Variants in XKR4 observed in about 807,000 individuals in gnomAD.
XKR4 encodes the protein XK related 4, also known as XK-related protein 4.
Under a neutral mutation model 53.9 loss-of-function variants are expected in XKR4, and 12 were observed. The observed-to-expected ratio is 0.22, with a 90% CI of 0.14 to 0.36. The LOEUF (loss-of-function observed/expected upper bound fraction) is 0.36. Ranked by LOEUF, XKR4 falls within the 10% of genes least tolerant of loss-of-function variation. The pLI, the probability that XKR4 is intolerant of heterozygous loss-of-function variation, is 1.00. For missense variants in XKR4, 799 were observed against 859.5 expected, an observed-to-expected ratio of 0.93 and a Z score of 0.88; for synonymous variants, 354 against 362.4, an observed-to-expected ratio of 0.98 and a Z score of 0.26.
chr8:55,462,624 A>C (rs1332069944), intron 2 of XKR4, among the ~76,000 whole-genome samples: 2 of 152,156 alleles, frequency 1.3e-5, no homozygotes, highest in African/African-American at 4.8e-5. Context: ...ACACATAACA[A>C]TACTAACCTT....
intron 1 of XKR4, among the ~76,000 whole-genome samples, chr8:55,327,102 G>T (rs904791063): frequency 6.6e-5 from 10 of 152,138 alleles, no homozygotes; most frequent in African/African-American, 1.2e-4. Context: ...CATTCCAAAT[G>T]CTTTTGTCTA....
chr8:55,407,988 G>A (rs1434334232), intron 2 of XKR4, among the ~76,000 whole-genome samples: 1 of 152,166 alleles, frequency 6.6e-6, no homozygotes, highest in Non-Finnish European at 1.5e-5. Context: ...CTAACCTGAA[G>A]ATGTGATCCT....
chr8:55,457,872 A>G (rs1468933143), intron 2 of XKR4, among the ~76,000 whole-genome samples: 2 of 152,230 alleles, frequency 1.3e-5, no homozygotes, highest in African/African-American at 2.4e-5. Context: ...AAAAAAGAGG[A>G]AAGAAATGGA....
intron 1 of XKR4, among the ~76,000 whole-genome samples, chr8:55,210,145 C>T (rs563507019): frequency 2.1e-4 from 31 of 150,136 alleles, no homozygotes; most frequent in African/African-American, 5.2e-4. Context: ...AGTGCAGTGG[C>T]GTGATCTTGG....
intron 2 of XKR4, among the ~76,000 whole-genome samples, chr8:55,375,620 T>A (rs1232077339): frequency 6.6e-6 from 1 of 152,228 alleles, no homozygotes; most frequent in Non-Finnish European, 1.5e-5. Flanking sequence ...GACTTTGCTC[T>A]GTCCACTCAC....
intron 1 of XKR4, among the ~76,000 whole-genome samples, chr8:55,176,643 G>A (rs1366184917): frequency 2.6e-5 from 4 of 152,170 alleles, no homozygotes; most frequent in Admixed American, 2.6e-4. Flanking sequence ...AATGTGGACA[G>A]GGTTCTGACT....
intron 2 of XKR4, among the ~76,000 whole-genome samples, chr8:55,418,289 C>A (rs553266427): frequency 1.3e-5 from 2 of 152,328 alleles, no homozygotes; most frequent in African/African-American, 2.4e-5. Context: ...GCAGCAACAG[C>A]ATTTCAAGCC....
chr8:55,165,337 T>A (rs1417522135), intron 1 of XKR4, among the ~76,000 whole-genome samples: 1 of 152,096 alleles, frequency 6.6e-6, no homozygotes, highest in Non-Finnish European at 1.5e-5. Context: ...ATACATATTA[T>A]GCACCATTAG....
intron 1 of XKR4, among the ~76,000 whole-genome samples, chr8:55,267,848 A>G (rs906863728): frequency 6.6e-6 from 1 of 152,222 alleles, no homozygotes; most frequent in South Asian, 2.1e-4. Context: ...TTTCTTAGAC[A>G]GTAGAAGTGC....
At chr8:55,406,216 G>A (rs1443081579) in intron 2 of XKR4, among the ~76,000 whole-genome samples, 2 of 152,154 alleles carry the variant, frequency 1.3e-5, no homozygotes, top group African/African-American at 2.4e-5. Flanking sequence ...TTTAACTTTG[G>A]TTGATCTATA....
intron 2 of XKR4, among the ~76,000 whole-genome samples, chr8:55,397,801 G>C (rs911139500): frequency 1.3e-5 from 2 of 152,026 alleles, no homozygotes; most frequent in African/African-American, 4.8e-5. Context: ...TCGGTGTCTT[G>C]GTCCAGTTTC....
At chr8:55,278,697 A>G (rs1350834110) in intron 1 of XKR4, among the ~76,000 whole-genome samples, 1 of 152,196 alleles carries the variant, frequency 6.6e-6, no homozygotes, top group African/African-American at 2.4e-5. Flanking sequence ...AAATATTTTA[A>G]TTTCATTATA....
intron 2 of XKR4, among the ~76,000 whole-genome samples, chr8:55,457,723 C>T (rs1015836610): frequency 5.3e-5 from 8 of 152,146 alleles, no homozygotes; most frequent in Non-Finnish European, 8.8e-5. Flanking sequence ...GAAAGACCCC[C>T]TTTTCCACTT....
intron 2 of XKR4, among the ~76,000 whole-genome samples, chr8:55,364,474 T>G (rs1189278570): frequency 6.6e-6 from 1 of 152,234 alleles, no homozygotes; most frequent in Non-Finnish European, 1.5e-5. Flanking sequence ...TGAATATTCA[T>G]GCCAAGCAGG....
At chr8:55,289,765 AAGAAAG>A (rs1409332388) in intron 1 of XKR4, among the ~76,000 whole-genome samples, 1 of 149,456 alleles carries the variant, frequency 6.7e-6, no homozygotes, top group Non-Finnish European at 1.5e-5. Flanking sequence ...GAAAGAGAGA[AAGAAAG>A]AGAAAGAGAG....
intron 1 of XKR4, among the ~76,000 whole-genome samples, chr8:55,261,457 T>G (rs923216271): frequency 3.3e-5 from 5 of 152,240 alleles, no homozygotes. Flanking sequence ...TTTCTTTTCT[T>G]GGGTGTAAGC....
intron 1 of XKR4, among the ~76,000 whole-genome samples, chr8:55,313,932 CCA>C (rs1203839892): frequency 6.6e-6 from 1 of 152,188 alleles, no homozygotes; most frequent in African/African-American, 2.4e-5. Context: ...CCCTGGACAC[CCA>C]CAGTTTCCTA....
At chr8:55,226,465 A>T (rs1291171346) in intron 1 of XKR4, among the ~76,000 whole-genome samples, 2 of 152,214 alleles carry the variant, frequency 1.3e-5, no homozygotes, top group Non-Finnish European at 2.9e-5. Context: ...CAGAGAACAA[A>T]GCATTTTTAC....
intron 1 of XKR4, among the ~76,000 whole-genome samples, chr8:55,197,843 G>A (rs1031350144): frequency 2.0e-5 from 3 of 151,948 alleles, no homozygotes; most frequent in Admixed American, 6.6e-5. Flanking sequence ...ACACCCAACC[G>A]GGTTCAGCTT....
Sources: allele counts gnomAD v4.1 joint callset (sites outside exome capture counted in the v4.1 genomes callset), GRCh38; gene constraint gnomAD v4.1.1; transcripts MANE v1.5; gene names NCBI Gene and HGNC (gene_info 2026-07-23, HGNC 2026-07-21).